The following CTNND2 variants were observed in gnomAD, a reference collection of about 807,000 sequenced individuals.
CTNND2 encodes catenin delta 2.
CTNND2 carries 22 observed loss-of-function variants against 144.4 expected under a neutral mutation model. That is an observed-to-expected ratio of 0.15 (90% confidence interval 0.11 to 0.22). CTNND2 has a LOEUF of 0.22. CTNND2 is among the 10% of genes least tolerant of loss of function. The pLI is 1.00. For synonymous variants in CTNND2, 751 were observed against 695.6 expected (o/e 1.08, Z -1.25); for missense variants, 1,353 against 1,618.8 (o/e 0.84, Z 2.82).
At chr5:11,121,253 G>C (rs1245682735) in intron 12 of CTNND2, among the ~76,000 whole-genome samples, 2 of 152,176 alleles carry the variant, frequency 1.3e-5, no homozygotes, top group East Asian at 3.9e-4. Context: ...TAAATGGTTA[G>C]TTGTAATCAT....
At chr5:11,128,603 C>T (rs549870173) in intron 12 of CTNND2, among the ~76,000 whole-genome samples, 1 of 147,342 alleles carries the variant, frequency 6.8e-6, no homozygotes, top group East Asian at 2.0e-4. Flanking sequence ...GTCTCCGATG[C>T]CTCATGTCCC....
Position 11,375,310 on chromosome 5 carries a change from G to A in CTNND2, c.1177+9355C>T, listed in dbSNP as rs143354602. ...CCTAACTCTCAACATAATTTAGAGG[G>A]AGGAAACGACAAGTAAACAGCTTCA... On this transcript the variant is annotated intron_variant, in intron 7 of 21. Transcript: ENST00000304623. 1.0e-2 allele frequency among the ~76,000 whole-genome samples: 1,516 copies of A among 152,276 alleles called. 24 individuals are homozygous for A. The highest frequency in any genetic ancestry group is 0.035 in the African/African-American group (1,449 of 41,548).
At chr5:11,517,063 T>C (rs1772227891) in intron 3 of CTNND2, among the ~76,000 whole-genome samples, 1 of 152,196 alleles carries the variant, frequency 6.6e-6, no homozygotes, top group Non-Finnish European at 1.5e-5. Context: ...ATTCCAATAT[T>C]CCAGATTTCA....
In CTNND2 at chr5:11,128,989, A is replaced by ATATATAATATATAAATATATATT. The variant is rs1561351343; in HGVS notation, c.2160-11423_2160-11422insAATATATATTTATATATTATATA. Among the ~76,000 whole-genome samples, 85 of 26,454 alleles carry ATATATAATATATAAATATATATT rather than the reference A, an allele frequency of 3.2e-3. 5 individuals carry two copies. The highest frequency in any genetic ancestry group is 6.1e-3 in the Non-Finnish European group (69 of 11,396). 17.4% of individuals were successfully genotyped at this position (26,454 alleles called of 152,430 possible). A position where few individuals can be genotyped will look rare whatever the true frequency, so the allele number is the denominator to read the frequency against. ...TAATATATAATATATAAATATATATAATATATAATATATAAATATATATTA... is the reference window on the plus strand; with the variant it reads ...TAATATATAATATATAAATATATATATATATAATATATAAATATATATTATATATAATATATAAATATATATTA... On this transcript the variant is annotated intron_variant, in intron 12 of 21. Coordinates refer to ENST00000304623, the MANE Select transcript of CTNND2 (RefSeq NM_001332.4).
At chr5:11,344,135 T>G (rs1240895237) in intron 9 of CTNND2, among the ~76,000 whole-genome samples, 4 of 152,212 alleles carry the variant, frequency 2.6e-5, no homozygotes, top group African/African-American at 9.6e-5. Context: ...CCGGGCGCGG[T>G]GGCTCACGCC....
intron 7 of CTNND2, among the ~76,000 whole-genome samples, 155 bp from the exon 8 acceptor site, chr5:11,365,045 T>C (rs1756835060): frequency 6.6e-6 from 1 of 152,240 alleles, no homozygotes; most frequent in South Asian, 2.1e-4. Flanking sequence ...GTCAACCTAA[T>C]CAGCCTGTCG....
intron 7 of CTNND2, among the ~76,000 whole-genome samples, chr5:11,372,267 A>AAAAGT (rs1263013793): frequency 6.6e-6 from 1 of 152,212 alleles, no homozygotes; most frequent in Non-Finnish European, 1.5e-5. Flanking sequence ...TCATCCCTAG[A>AAAAGT]AAAGTATATG....
chr5:11,392,205 A>C (rs1759695871), intron 6 of CTNND2, among the ~76,000 whole-genome samples: 1 of 152,194 alleles, frequency 6.6e-6, no homozygotes, highest in Non-Finnish European at 1.5e-5. Flanking sequence ...AGATTTTTGC[A>C]TCCTTGAGTA....
intron 3 of CTNND2, among the ~76,000 whole-genome samples, chr5:11,412,730 T>C (rs1040232248): frequency 6.6e-6 from 1 of 152,180 alleles, no homozygotes; most frequent in Non-Finnish European, 1.5e-5. Context: ...ACAAAATACA[T>C]AGTTTCTAAA....
chr5:11,252,234 T>C lies in CTNND2; in HGVS notation c.1629-15411A>G, dbSNP rs540483352. ...TTGTTGGGCTGATATGGACTTAGAC[T>C]GCAGAATGAGAAATCAATGAGAGAC... is the stretch of plus-strand genomic sequence containing the variant. On this transcript the variant is annotated intron_variant, in intron 9 of 21. Transcript: ENST00000304623. Among the ~76,000 whole-genome samples, 14 of 152,298 alleles carry C rather than the reference T, an allele frequency of 9.2e-5. No homozygotes were observed. In the South Asian group the frequency reaches 2.7e-3, roughly 29 times the overall value.
intron 1 of CTNND2, among the ~76,000 whole-genome samples, chr5:11,870,054 G>A (rs550517638): frequency 5.3e-5 from 8 of 152,238 alleles, no homozygotes; most frequent in Non-Finnish European, 1.0e-4. Flanking sequence ...GTGGAAAAAT[G>A]GTCATATTGC....
At chr5:11,756,621 C>T (rs1288346910) in intron 1 of CTNND2, among the ~76,000 whole-genome samples, 2 of 136,246 alleles carry the variant, frequency 1.5e-5, no homozygotes, top group Non-Finnish European at 3.1e-5. Context: ...TCCACATCCA[C>T]ACAAATCGAT....
intron 1 of CTNND2, among the ~76,000 whole-genome samples, chr5:11,767,192 T>C (rs1400036841): frequency 6.6e-6 from 1 of 152,232 alleles, no homozygotes; most frequent in Non-Finnish European, 1.5e-5. Context: ...CAGATATAGA[T>C]GAATAGCATC....
chr5:11,705,350 A>C (rs1785644357), intron 2 of CTNND2, among the ~76,000 whole-genome samples: 1 of 152,252 alleles, frequency 6.6e-6, no homozygotes, highest in Non-Finnish European at 1.5e-5. Context: ...CACACTTGAG[A>C]ATAATTATTA....
intron 3 of CTNND2, among the ~76,000 whole-genome samples, chr5:11,419,043 G>T (rs1259283370): frequency 3.1e-5 from 4 of 127,672 alleles, no homozygotes; most frequent in South Asian, 2.5e-4. Flanking sequence ...TAGATATATA[G>T]ATAGACATCT....
At chr5:11,437,100 C>G (rs2149885273) in intron 3 of CTNND2, among the ~76,000 whole-genome samples, 1 of 152,344 alleles carries the variant, frequency 6.6e-6, no homozygotes, top group Middle Eastern at 3.4e-3. Flanking sequence ...GCATTTGTCA[C>G]TCAAGGGTAA....
intron 2 of CTNND2, among the ~76,000 whole-genome samples, chr5:11,693,231 G>C (rs1004244944): frequency 1.3e-5 from 2 of 152,132 alleles, no homozygotes; most frequent in African/African-American, 2.4e-5. Context: ...TCCAGACCCT[G>C]AATATGCCAG....
chr5:11,282,664 A>T (rs906209586), intron 9 of CTNND2, among the ~76,000 whole-genome samples: 1 of 152,188 alleles, frequency 6.6e-6, no homozygotes, highest in Non-Finnish European at 1.5e-5. Flanking sequence ...TATGATTTAC[A>T]TATCTTTTTT....
chr5:11,903,283 G>C lies in CTNND2; in HGVS notation c.37+534C>G. Reference sequence around the variant, plus strand: ...GCTTGCTGGGAAGCCGCTAAATATAGACCAAGGGGGCTCAGGGTCTGGCAA... The same window carrying C: ...GCTTGCTGGGAAGCCGCTAAATATACACCAAGGGGGCTCAGGGTCTGGCAA... On this transcript the variant is annotated intron_variant, in intron 1 of 21. Transcript: ENST00000304623. This position sits in a 1 kb window ranked among gnomAD's most constrained non-coding sequence, Gnocchi z 5.4. The C allele has an allele frequency of 3.0e-6, 3 of 985,656 alleles. No homozygotes were observed. Among genetic ancestry groups the C allele is most frequent in the Non-Finnish European group, 3.6e-6 (3 of 830,128 alleles). The allele number at this position is 985,656 out of a possible 1,614,324, so 61.1% of individuals were successfully genotyped here.
Sources: allele counts gnomAD v4.1 joint callset (sites outside exome capture counted in the v4.1 genomes callset), GRCh38; gene constraint gnomAD v4.1.1; non-coding constraint Gnocchi (gnomAD v3.1); transcripts MANE v1.5; gene names NCBI Gene and HGNC (gene_info 2026-07-23, HGNC 2026-07-21).